The following CENPP variants were observed in gnomAD, a reference collection of about 807,000 sequenced individuals.
CENPP encodes the protein centromere protein P.
A neutral mutation model predicts 35.6 loss-of-function variants in CENPP; 24 were observed. That is an observed-to-expected ratio of 0.67 (90% CI 0.49 to 0.95). The LOEUF is 0.95. Ranked by LOEUF, CENPP falls within the 40% of genes least tolerant of loss-of-function variation. The pLI is 0.00. For synonymous variants in CENPP, 120 were observed against 125.5 expected (o/e 0.96, Z 0.29); for missense variants, 332 against 345.3 (o/e 0.96, Z 0.31).
chr9:92,338,253 C>T (rs1266189753), intron 3 of CENPP, among the ~76,000 whole-genome samples: 2 of 151,914 alleles, frequency 1.3e-5, no homozygotes, highest in African/African-American at 4.8e-5. Context: ...TCAAGGCTAC[C>T]GTGAGCTGTG....
intron 5 of CENPP, among the ~76,000 whole-genome samples, chr9:92,465,580 TTA>T (rs1845273735): frequency 6.6e-6 from 1 of 152,170 alleles, no homozygotes; most frequent in South Asian, 2.1e-4. Context: ...GATGGCATGG[TTA>T]TATGATAGGT....
chr9:92,465,955 C>G (rs1264259270), intron 5 of CENPP, among the ~76,000 whole-genome samples: 13 of 151,940 alleles, frequency 8.6e-5, no homozygotes. Context: ...GCCTAAGCCT[C>G]CCGAGTAGCT....
At chr9:92,425,911 C>T (rs1263792445) in intron 5 of CENPP, among the ~76,000 whole-genome samples, 5 of 152,194 alleles carry the variant, frequency 3.3e-5, no homozygotes, top group Admixed American at 6.5e-5. Flanking sequence ...TAGGCCTTCA[C>T]AGTCCTTTTG....
intron 4 of CENPP, among the ~76,000 whole-genome samples, chr9:92,349,201 G>A (rs538785098): frequency 5.9e-5 from 9 of 152,006 alleles, no homozygotes; most frequent in African/African-American, 2.2e-4. Flanking sequence ...CTGCAACTTC[G>A]CAGAGTCTTT....
At chr9:92,338,315 C>CA (rs370586086) in intron 3 of CENPP, among the ~76,000 whole-genome samples, 79 of 147,290 alleles carry the variant, frequency 5.4e-4, no homozygotes, top group African/African-American at 7.5e-4. Flanking sequence ...CTGTCACACA[C>CA]AAAAAAAAAA....
chr9:92,579,281 A>C (rs1252296036), intron 5 of CENPP, among the ~76,000 whole-genome samples: 7 of 149,908 alleles, frequency 4.7e-5, no homozygotes, highest in South Asian at 2.2e-4. Flanking sequence ...CTTGGCGATG[A>C]GGGCTCTTTT....
intron 3 of CENPP, among the ~76,000 whole-genome samples, chr9:92,341,131 C>T (rs1841104335): frequency 6.6e-6 from 1 of 152,120 alleles, no homozygotes; most frequent in Non-Finnish European, 1.5e-5. Flanking sequence ...TCCCATAGCG[C>T]TCCCAGGCTT....
At chr9:92,364,769 G>A (rs1362527267) in intron 4 of CENPP, among the ~76,000 whole-genome samples, 1 of 152,198 alleles carries the variant, frequency 6.6e-6, no homozygotes, top group Non-Finnish European at 1.5e-5. Context: ...ACAACCTAGT[G>A]TATGCACAAA....
intron 5 of CENPP, chr9:92,417,190 G>T (rs1225973003): frequency 1.2e-6 from 2 of 1,613,860 alleles, no homozygotes; most frequent in African/African-American, 1.3e-5. Flanking sequence ...TTTTGTTGTG[G>T]CTGAGGTTAA....
chr9:92,522,533 C>G (rs997763181), intron 5 of CENPP: 1 of 1,506,610 alleles, frequency 6.6e-7, no homozygotes, highest in Non-Finnish European at 8.9e-7. Flanking sequence ...CATCTCTCAC[C>G]CTCCTCCCTC....
intron 5 of CENPP, among the ~76,000 whole-genome samples, chr9:92,498,057 T>C (rs1846458992): frequency 6.6e-6 from 1 of 152,074 alleles, no homozygotes; most frequent in African/African-American, 2.4e-5. Context: ...ATGAGCCAAA[T>C]AAACCTTTTC....
intron 5 of CENPP, chr9:92,456,070 ATCT>A: frequency 6.6e-6 from 1 of 152,252 alleles, no homozygotes; most frequent in African/African-American, 2.4e-5. Flanking sequence ...GCGAGATTCC[ATCT>A]CAAAACAAAA....
At chr9:92,473,054 G>C (rs1845585673) in intron 5 of CENPP, among the ~76,000 whole-genome samples, 1 of 152,212 alleles carries the variant, frequency 6.6e-6, no homozygotes. Flanking sequence ...TGGCATGTCT[G>C]ACTGTCACAG....
intron 5 of CENPP, among the ~76,000 whole-genome samples, chr9:92,428,628 C>A (rs1446662777): frequency 6.9e-6 from 1 of 144,630 alleles, no homozygotes; most frequent in Non-Finnish European, 1.6e-5. Flanking sequence ...TGACTATGTT[C>A]ATACATCTCC....
intron 5 of CENPP, chr9:92,393,194 C>A: frequency 6.2e-7 from 1 of 1,613,762 alleles, no homozygotes; most frequent in Non-Finnish European, 8.5e-7. Flanking sequence ...TCAACTTCTT[C>A]ACAGTATACA....
At chr9:92,455,289 C>G (rs1844840644) in intron 5 of CENPP, among the ~76,000 whole-genome samples, 1 of 152,128 alleles carries the variant, frequency 6.6e-6, no homozygotes, top group African/African-American at 2.4e-5. Context: ...ACTTGGAAGC[C>G]TGAAGCAGGA....
chr9:92,541,862 C>T (rs1465489706), intron 5 of CENPP, among the ~76,000 whole-genome samples: 2 of 151,972 alleles, frequency 1.3e-5, no homozygotes, highest in Admixed American at 6.6e-5. Context: ...GGTGCAATCT[C>T]GGCTCACTGC....
At chr9:92,488,137 A>C (rs111389350) in intron 5 of CENPP, among the ~76,000 whole-genome samples, 5,867 of 152,320 alleles carry the variant, frequency 0.039, 145 homozygotes, top group Middle Eastern at 0.075. Flanking sequence ...TGGGTTTATC[A>C]GGGTGTAACC....
chr9:92,535,383 A>G (rs1295398061), intron 5 of CENPP, among the ~76,000 whole-genome samples: 2 of 152,138 alleles, frequency 1.3e-5, no homozygotes, highest in African/African-American at 4.8e-5. Context: ...ATTTTCTGGG[A>G]TTCCAATCAT....
Sources: gnomAD v4.1 joint callset for allele counts (sites outside exome capture counted in the v4.1 genomes callset) on GRCh38, gnomAD v4.1.1 for gene constraint, MANE v1.5 for transcripts, NCBI Gene and HGNC (gene_info 2026-07-23, HGNC 2026-07-21) for gene names.